ALDH18A1: variants seen among roughly 807,000 people sequenced by gnomAD.
ALDH18A1 encodes the protein delta-1-pyrroline-5-carboxylate synthase.
A neutral mutation model predicts 88.8 loss-of-function variants in ALDH18A1; 44 were observed. The ratio of observed to expected loss-of-function variants is 0.50; its 90% CI spans 0.39 to 0.64. The LOEUF is 0.64. ALDH18A1 is among the 30% of genes least tolerant of loss of function. The pLI, the probability that ALDH18A1 is intolerant of heterozygous loss-of-function variation, is 0.00. For missense variants in ALDH18A1, 782 were observed against 1,009.5 expected (o/e 0.77, Z 3.05); for synonymous variants, 331 against 372.1 (o/e 0.89, Z 1.27).
rs544418759 is a variant in ALDH18A1 at position 95,644,177 on chromosome 10, CAA to C, written c.89-973_89-972del. Among the ~76,000 whole-genome samples, 535 of 152,268 alleles carry C rather than the reference CAA, an allele frequency of 3.5e-3. 1 individual carries two copies. The highest frequency in any genetic ancestry group is 5.2e-3 in the Non-Finnish European group (355 of 68,020). On this transcript the variant is annotated intron_variant, in intron 2 of 17. Coordinates refer to ENST00000371224, the MANE Select transcript of ALDH18A1 (RefSeq NM_002860.4). ...AAAAAAGAGGGAAGAGCCTGATTAG[CAA>C]AGACAGTAAAGAACAAAGTAAGTGT...
chr10:95,611,268 C>T lies in ALDH18A1; in HGVS notation c.2098G>A (p.Val700Ile), dbSNP rs375705932. ...TCTGGACACTGACCGTCCTCTGTGA[C>T]GATGACATCCGTGTGGGAGCTGCCA... ...KYGSSHTDVI[V>I]TEDENTAEFF... The change falls in exon 16 of 18, where the codon GTC (valine) becomes ATC (isoleucine). Residue 700 changes from valine to isoleucine, a missense_variant. Coordinates refer to ENST00000371224, the MANE Select transcript of ALDH18A1 (RefSeq NM_002860.4). 1.6e-5 allele frequency: 26 copies of T among 1,613,900 alleles called. No individual in the cohort carries two copies. The highest frequency in any genetic ancestry group is 1.2e-4 in the Admixed American group (7 of 59,984).
intron 9 of ALDH18A1, 57 bp downstream of exon 9, chr10:95,627,385 A>G: frequency 6.2e-7 from 1 of 1,602,690 alleles, no homozygotes; most frequent in Non-Finnish European, 8.5e-7. Flanking sequence ...TCTCTAACTA[A>G]GCCAGGTGTC....
intron 5 of ALDH18A1, among the ~76,000 whole-genome samples, chr10:95,636,866 T>G (rs1006321350): frequency 2.0e-5 from 3 of 152,252 alleles, no homozygotes; most frequent in Non-Finnish European, 2.9e-5. Context: ...GCTTTTCATA[T>G]ATTTTCTCAC....
chr10:95,610,160 A>C, intron 17 of ALDH18A1, 37 bp downstream of exon 17: 4 of 1,599,844 alleles, frequency 2.5e-6, no homozygotes, highest in Non-Finnish European at 3.4e-6. Flanking sequence ...AGTGCTTCAC[A>C]AGGAACTTCT....
At chr10:95,633,931 C>G (rs1339124623) in intron 5 of ALDH18A1, among the ~76,000 whole-genome samples, 4 of 150,362 alleles carry the variant, frequency 2.7e-5, no homozygotes. Flanking sequence ...GTTCTCATGC[C>G]TCAGCTTTCC....
chr10:95,624,215 C>A (rs1589511814), intron 11 of ALDH18A1, among the ~76,000 whole-genome samples: 1 of 152,354 alleles, frequency 6.6e-6, no homozygotes, highest in African/African-American at 2.4e-5. Context: ...CTCATGTATA[C>A]CCACGGCTTT....
At chr10:95,637,238 G>A in intron 4 of ALDH18A1, 41 bp from the exon 5 acceptor site, 1 of 1,614,206 alleles carries the variant, frequency 6.2e-7, no homozygotes, top group South Asian at 1.1e-5. Context: ...AGGGAATGAG[G>A]GAAGAAGACC....
chr10:95,631,466 C>T (rs61871790), intron 7 of ALDH18A1, among the ~76,000 whole-genome samples: 42,088 of 151,956 alleles, frequency 0.28, 6,793 homozygotes, highest in Admixed American at 0.4. Flanking sequence ...CTGAATAGGC[C>T]GGGCGCGGTG....
In ALDH18A1 at chr10:95,653,371, T is replaced by A; in HGVS notation, c.7A>T (p.Ser3Cys). The stretch of plus-strand genomic sequence containing the variant: ...TGGAACCCACAGCGGTAAACTTGAC[T>A]CAACATGCTGCGATGTGGTCACTAA... ML[S>C]QVYRCGFQPF... The change falls in exon 2 of 18, where the codon AGT becomes TGT. Residue 3 changes from serine (S) to cysteine (C), a missense_variant. Around this residue, in one of 3 missense-constraint regions of ALDH18A1, gnomAD observed 94 missense variants for 99.5 expected, o/e 0.94. Transcript: ENST00000371224. 4 of 1,613,316 alleles carry A rather than the reference T, an allele frequency of 2.5e-6. No individual in the cohort carries two copies. Among genetic ancestry groups the A allele is most frequent in the Non-Finnish European group, 3.4e-6 (4 of 1,179,936 alleles).
intron 7 of ALDH18A1, among the ~76,000 whole-genome samples, chr10:95,632,104 A>G (rs1048734463): frequency 6.6e-6 from 1 of 152,224 alleles, no homozygotes; most frequent in Non-Finnish European, 1.5e-5. Flanking sequence ...AAACATGCTA[A>G]GTGAAAAAAG....
At chr10:95,632,610 C>T (rs1415059579) in intron 7 of ALDH18A1, among the ~76,000 whole-genome samples, 1 of 152,172 alleles carries the variant, frequency 6.6e-6, no homozygotes, top group Non-Finnish European at 1.5e-5. Flanking sequence ...GTGATCCTCC[C>T]GCTTTGGCCT....
Position 95,616,561 on chromosome 10 carries a change from C to T in ALDH18A1, c.1521G>A (p.Lys507=), listed in dbSNP as rs1453590181. The change falls in exon 13 of 18, where the codon AAG becomes AAA. Residue 507 remains lysine (K), a synonymous_variant. Transcript: ENST00000371224. ...SGNGLLLKGG[K]EAAHSNRILH... ...GAATCCGGTTGCTGTGTGCAGCCTC[C>T]TTCCCTCCTTTGAGTAACAAGCCAT... 1 of 1,602,472 alleles carries T rather than the reference C, an allele frequency of 6.2e-7. No homozygotes were observed.
Position 95,653,367 on chromosome 10 carries a change from T to C in ALDH18A1, c.11A>G (p.Gln4Arg), listed in dbSNP as rs2097913384. 1.2e-6 allele frequency: 2 copies of C among 1,613,422 alleles called. No homozygotes were observed. The highest frequency in any genetic ancestry group is 1.7e-6 in the Non-Finnish European group (2 of 1,179,942). The change falls in exon 2 of 18, where the codon CAA (glutamine) becomes CGA (arginine). Residue 4 changes from glutamine to arginine, a missense_variant. This residue lies in a region of ALDH18A1 where 94 missense variants were observed against 99.5 expected (regional missense o/e 0.94). Coordinates refer to ENST00000371224, the MANE Select transcript of ALDH18A1 (RefSeq NM_002860.4). ...GGGCTGGAACCCACAGCGGTAAACT[T>C]GACTCAACATGCTGCGATGTGGTCA... is the stretch of plus-strand genomic sequence containing the variant. The part of the protein sequence containing the change: MLS[Q>R]VYRCGFQPFN...
intron 3 of ALDH18A1, among the ~76,000 whole-genome samples, chr10:95,639,657 G>A (rs1167119790): frequency 6.6e-6 from 1 of 151,518 alleles, no homozygotes; most frequent in Non-Finnish European, 1.5e-5. Flanking sequence ...ATATCAAATA[G>A]CCAGTGTTCA....
chr10:95,614,794 T>C (rs2097841537), intron 13 of ALDH18A1, among the ~76,000 whole-genome samples: 1 of 152,198 alleles, frequency 6.6e-6, no homozygotes, highest in Non-Finnish European at 1.5e-5. Flanking sequence ...CAAATATATA[T>C]GTGTGCCAGA....
chr10:95,615,659 G>A (rs1437008997), intron 13 of ALDH18A1, among the ~76,000 whole-genome samples: 1 of 152,142 alleles, frequency 6.6e-6, no homozygotes, highest in Non-Finnish European at 1.5e-5. Context: ...ACCACTATGT[G>A]GGCATAAGAA....
In ALDH18A1 at chr10:95,643,154, C is replaced by A. The variant is rs748824728; in HGVS notation, c.141G>T (p.Pro47=). Residue 47 remains proline (P), a synonymous_variant, in exon 3 of 18, where the codon CCG becomes CCT. Coordinates refer to ENST00000371224, the MANE Select transcript of ALDH18A1 (RefSeq NM_002860.4). ...IRHVRSWSNI[P]FITVPLSRTH... ...TACGACTGAGGGGTACAGTGATAAA[C>A]GGGATGTTGCTCCAAGAACGAACAT... is the stretch of plus-strand genomic sequence containing the variant. 2 of 1,614,186 alleles carry A rather than the reference C, an allele frequency of 1.2e-6. No homozygotes were observed. Among genetic ancestry groups the A allele is most frequent in the Middle Eastern group, 1.6e-4 (1 of 6,062 alleles).
In ALDH18A1 at chr10:95,653,347, G is replaced by A; in HGVS notation, c.31C>T (p.Gln11Ter). Residue 11 changes from glutamine (Q) to a stop codon, truncating the protein, a stop_gained, in exon 2 of 18, where the codon CAG (glutamine) becomes TAG (stop). Coordinates refer to ENST00000371224, the MANE Select transcript of ALDH18A1 (RefSeq NM_002860.4). LOFTEE classifies it high-confidence loss of function. MLSQVYRCGF[Q>*]PFNQHLLPWV... is the part of the protein sequence containing the mutation. ...GGCAGAAGATGTTGGTTGAAGGGCT[G>A]GAACCCACAGCGGTAAACTTGACTC... 8 of 1,612,944 alleles carry A rather than the reference G, an allele frequency of 5.0e-6. No individual in the cohort carries two copies. Among genetic ancestry groups the A allele is most frequent in the Non-Finnish European group, 6.8e-6 (8 of 1,179,878 alleles).
chr10:95,637,319 G>C lies in ALDH18A1; in HGVS notation c.421C>G (p.Leu141Val), dbSNP rs1394239348. The C allele has an allele frequency of 6.2e-7, 1 of 1,614,218 alleles. No individual in the cohort carries two copies. Residue 141 changes from leucine (L) to valine (V), a missense_variant, in exon 4 of 18, where the codon CTC (leucine) becomes GTC (valine). Transcript: ENST00000371224. ...TTCAGCTGGTTCTGCCCCGAGTGGA[G>C]GGCCTGCCGCACGCTCTGAGACAGA... The part of the protein sequence containing the change: ...ILLSQSVRQA[L>V]HSGQNQLKEM...
Sources: allele counts gnomAD v4.1 joint callset (sites outside exome capture counted in the v4.1 genomes callset), GRCh38; gene constraint gnomAD v4.1.1; regional missense constraint gnomAD v4.1.1; transcripts MANE v1.5; gene names NCBI Gene and HGNC (gene_info 2026-07-23, HGNC 2026-07-21).